The following MEI4 variants were observed in gnomAD, a reference collection of about 807,000 sequenced individuals.
MEI4 encodes the protein meiotic double-stranded break formation protein 4, also known as meiosis-specific protein MEI4.
In MEI4, 27 loss-of-function variants were observed where a neutral mutation model predicts 31.4. The ratio of observed to expected loss-of-function variants is 0.86; its 90% CI spans 0.63 to 1.19. The LOEUF (loss-of-function observed/expected upper bound fraction) is 1.19, where lower values mean the gene tolerates loss of function less well. Among genes scored for constraint, MEI4 ranks in the 50% most tolerant of loss-of-function variants. The pLI, the probability that MEI4 is intolerant of heterozygous loss-of-function variation, is 0.00. For synonymous variants in MEI4, 122 were observed against 145.4 expected (o/e 0.84, Z 1.16); for missense variants, 329 against 398.9 (o/e 0.82, Z 1.49).
At chr6:77,822,346 T>C (rs1298199783) in intron 3 of MEI4, among the ~76,000 whole-genome samples, 1 of 152,120 alleles carries the variant, frequency 6.6e-6, no homozygotes, top group Non-Finnish European at 1.5e-5. Flanking sequence ...ATAATATAGA[T>C]ATAAATGATT....
intron 4 of MEI4, among the ~76,000 whole-genome samples, chr6:77,905,849 CTTCT>C (rs549407098): frequency 2.2e-3 from 329 of 147,304 alleles, no homozygotes; most frequent in African/African-American, 7.5e-3. Context: ...ATTTTTTTCT[CTTCT>C]TTAACTCATA....
At chr6:77,903,155 T>G (rs1330775038) in intron 4 of MEI4, among the ~76,000 whole-genome samples, 1 of 152,132 alleles carries the variant, frequency 6.6e-6, no homozygotes, top group Admixed American at 6.6e-5. Flanking sequence ...TTTCTTTCTT[T>G]TTTTTCTTTT....
intron 2 of MEI4, among the ~76,000 whole-genome samples, chr6:77,734,822 C>T (rs1005196410): frequency 2.0e-5 from 3 of 151,852 alleles, no homozygotes; most frequent in Non-Finnish European, 4.4e-5. Flanking sequence ...TCTTTTAGGG[C>T]AGGCCTGGTT....
At chr6:77,813,907 A>C (rs1057140727) in intron 3 of MEI4, among the ~76,000 whole-genome samples, 20 of 152,226 alleles carry the variant, frequency 1.3e-4, no homozygotes, top group African/African-American at 3.9e-4. Context: ...ATGTACATCA[A>C]TGATGATTTT....
At chr6:77,681,200 T>C (rs1173196949) in intron 1 of MEI4, among the ~76,000 whole-genome samples, 6 of 152,190 alleles carry the variant, frequency 3.9e-5, no homozygotes, top group Admixed American at 3.9e-4. Flanking sequence ...TTCTTTGCTT[T>C]CTGGATTCAT....
intron 4 of MEI4, among the ~76,000 whole-genome samples, chr6:77,906,245 A>G (rs891572027): frequency 1.3e-5 from 2 of 151,984 alleles, no homozygotes; most frequent in Non-Finnish European, 2.9e-5. Flanking sequence ...TTGGTTTTTA[A>G]TGTTTCTTGT....
At chr6:77,804,604 C>T (rs1420218517) in intron 3 of MEI4, among the ~76,000 whole-genome samples, 1 of 152,126 alleles carries the variant, frequency 6.6e-6, no homozygotes, top group Non-Finnish European at 1.5e-5. Context: ...TCCACCCTCC[C>T]CATCTCTTTT....
chr6:77,695,149 G>A (rs911801665), intron 2 of MEI4, among the ~76,000 whole-genome samples: 4 of 152,134 alleles, frequency 2.6e-5, no homozygotes, highest in Non-Finnish European at 4.4e-5. Flanking sequence ...GTTCATTGTA[G>A]ATTCTGGATA....
intron 1 of MEI4, among the ~76,000 whole-genome samples, chr6:77,663,897 G>C (rs1412616496): frequency 2.0e-5 from 3 of 152,308 alleles, no homozygotes; most frequent in African/African-American, 7.2e-5. Flanking sequence ...TCTGGGAGTG[G>C]CTGCCAGGTG....
chr6:77,668,685 A>G (rs1455136816), intron 1 of MEI4, among the ~76,000 whole-genome samples: 1 of 152,208 alleles, frequency 6.6e-6, no homozygotes, highest in Non-Finnish European at 1.5e-5. Context: ...AGCAGAGATG[A>G]TAAAAGGTAC....
intron 3 of MEI4, among the ~76,000 whole-genome samples, chr6:77,818,132 C>T (rs1769731283): frequency 6.6e-6 from 1 of 152,090 alleles, no homozygotes; most frequent in Non-Finnish European, 1.5e-5. Context: ...TTGTTATCAT[C>T]TACACTATTA....
At chr6:77,659,818 C>G (rs1363135458) in intron 1 of MEI4, among the ~76,000 whole-genome samples, 4 of 152,110 alleles carry the variant, frequency 2.6e-5, no homozygotes, top group African/African-American at 4.8e-5. Flanking sequence ...AGTAAAGGAA[C>G]ATCGAGAAGG....
At chr6:77,813,322 GACAACAGC>G (rs1398411250) in intron 3 of MEI4, among the ~76,000 whole-genome samples, 1 of 152,020 alleles carries the variant, frequency 6.6e-6, no homozygotes, top group Non-Finnish European at 1.5e-5. Flanking sequence ...CTGTGAGAGA[GACAACAGC>G]TCTACAGTAC....
chr6:77,776,686 T>C (rs531842253), intron 3 of MEI4, among the ~76,000 whole-genome samples: 2 of 152,138 alleles, frequency 1.3e-5, no homozygotes, highest in Non-Finnish European at 2.9e-5. Context: ...CCATGTTAAG[T>C]CAACCCTGAA....
At position 77,873,922 on chromosome 6, in the gene MEI4, C is replaced by T. The variant is rs371296566; in HGVS notation, c.900+44860C>T. Among the ~76,000 whole-genome samples, 163 of 152,180 alleles carry T rather than the reference C, an allele frequency of 1.1e-3. 2 individuals carry two copies. Among genetic ancestry groups the T allele is most frequent in the African/African-American group, 2.8e-3 (116 of 41,522 alleles). On this transcript the variant is annotated intron_variant, in intron 4 of 4. Transcript: ENST00000684080. ...CAAAGATCAGATAGTTGTAGATATGCGGCATTATTTCTGAGGGCTCTGTTC... is the reference window on the plus strand; with the variant it reads ...CAAAGATCAGATAGTTGTAGATATGTGGCATTATTTCTGAGGGCTCTGTTC...
Position 77,690,919 on chromosome 6 carries a change from T to A in MEI4, c.232+16T>A. The A allele has an allele frequency of 8.4e-7, 1 of 1,191,368 alleles. No homozygotes were observed. Among genetic ancestry groups the A allele is most frequent in the Non-Finnish European group, 1.1e-6 (1 of 950,942 alleles). 73.8% of individuals were successfully genotyped at this position (1,191,368 alleles called of 1,614,324 possible). A position where few individuals can be genotyped will look rare whatever the true frequency, so the allele number is the denominator to read the frequency against. On this transcript the variant is annotated intron_variant, in intron 2 of 4. Transcript: ENST00000684080. ...TTTAAGAGTGGTGAGTATATAAAAT[T>A]GCCTTTTGGTAGTATGTCATACTTG...
chr6:77,912,992 A>C (rs1200228207), intron 4 of MEI4, among the ~76,000 whole-genome samples: 1 of 152,058 alleles, frequency 6.6e-6, no homozygotes, highest in Non-Finnish European at 1.5e-5. Context: ...TCCTTCTATG[A>C]CTAGTTTATT....
intron 4 of MEI4, among the ~76,000 whole-genome samples, chr6:77,919,353 A>T (rs929634320): frequency 1.3e-4 from 20 of 152,162 alleles, no homozygotes; most frequent in African/African-American, 4.8e-4. Flanking sequence ...CTCACTCAAA[A>T]CCGCTCAACT....
At chr6:77,744,148 G>A (rs1054006997) in intron 2 of MEI4, among the ~76,000 whole-genome samples, 2 of 151,942 alleles carry the variant, frequency 1.3e-5, no homozygotes, top group Non-Finnish European at 2.9e-5. Context: ...AGAGAAGAAG[G>A]CTTCAGACGA....
Sources: gnomAD v4.1 joint callset for allele counts (sites outside exome capture counted in the v4.1 genomes callset) on GRCh38, gnomAD v4.1.1 for gene constraint, MANE v1.5 for transcripts, NCBI Gene and HGNC (gene_info 2026-07-23, HGNC 2026-07-21) for gene names.